The following NKD1 variants were observed in gnomAD, a reference collection of about 807,000 sequenced individuals.
NKD1 encodes the protein NKD inhibitor of Wnt signaling pathway 1.
NKD1 carries 21 observed loss-of-function variants against 56.0 expected under a neutral mutation model. The observed-to-expected ratio is 0.38, with a 90% CI of 0.27 to 0.54. NKD1 has a LOEUF of 0.54. Among genes scored for constraint, NKD1 ranks in the 20% least tolerant of loss-of-function variants. The pLI is 0.82. For missense variants in NKD1, 578 were observed against 642.7 expected, an observed-to-expected ratio of 0.90 and a Z score of 1.09; for synonymous variants, 263 against 265.7, an observed-to-expected ratio of 0.99 and a Z score of 0.10.
intron 3 of NKD1, among the ~76,000 whole-genome samples, chr16:50,590,563 A>G (rs947557260): frequency 1.4e-4 from 22 of 152,226 alleles, no homozygotes; most frequent in African/African-American, 4.8e-4. Context: ...CAAGCGCTTT[A>G]CAAATGTGAG....
intron 4 of NKD1, among the ~76,000 whole-genome samples, chr16:50,620,389 G>A (rs977227656): frequency 1.8e-4 from 27 of 152,270 alleles, no homozygotes; most frequent in East Asian, 9.7e-4. Flanking sequence ...CTGGCCCAGC[G>A]GCCTCATTTC....
intron 3 of NKD1, among the ~76,000 whole-genome samples, chr16:50,550,142 C>T (rs1362294636): frequency 6.6e-6 from 1 of 151,862 alleles, no homozygotes; most frequent in Non-Finnish European, 1.5e-5. Context: ...AGCCCTGAGC[C>T]TTCACCCCGT....
chr16:50,621,581 C>T (rs1962089712), intron 4 of NKD1, 21 bp from the exon 5 acceptor site: 1 of 1,590,556 alleles, frequency 6.3e-7, no homozygotes, highest in Non-Finnish European at 8.6e-7. Flanking sequence ...CCTAATGCTC[C>T]CTCGCCTGCC....
At chr16:50,573,884 T>C in intron 3 of NKD1, 1 of 985,344 alleles carries the variant, frequency 1.0e-6, no homozygotes, top group Non-Finnish European at 1.2e-6. Context: ...GTGAGGGTGC[T>C]GAGCTGGCAC....
At position 50,623,477 on chromosome 16, in the gene NKD1, A is replaced by G. The variant is rs1657378868; in HGVS notation, c.366+1769A>G. Among the ~76,000 whole-genome samples, 1 of 152,018 alleles carries G rather than the reference A, an allele frequency of 6.6e-6. No homozygotes were observed. Among genetic ancestry groups the G allele is most frequent in the African/African-American group, 2.4e-5 (1 of 41,390 alleles). ...GGAGCTTGGCAAAGCCCAGGGCTGA[A>G]CTCAGTGGCAGAAGGAAGACCAGGC... On this transcript the variant is annotated intron_variant, in intron 5 of 9. Coordinates refer to ENST00000268459, the MANE Select transcript of NKD1 (RefSeq NM_033119.5). This position sits in a 1 kb window ranked among gnomAD's most constrained non-coding sequence, Gnocchi z 4.1.
chr16:50,548,613 C>A, intron 1 of NKD1, 35 bp downstream of exon 1: 1 of 1,447,722 alleles, frequency 6.9e-7, no homozygotes, highest in Non-Finnish European at 9.0e-7. Context: ...GCCCCGGGCC[C>A]CGCCGCCGTC....
chr16:50,621,383 C>T (rs539370087), intron 4 of NKD1, among the ~76,000 whole-genome samples: 95 of 152,330 alleles, frequency 6.2e-4, no homozygotes, highest in African/African-American at 1.9e-3. Context: ...GGGCCCCCCA[C>T]GGTGCAAGTG....
chr16:50,608,797 A>G (rs1961777275), intron 4 of NKD1, among the ~76,000 whole-genome samples: 1 of 152,164 alleles, frequency 6.6e-6, no homozygotes, highest in African/African-American at 2.4e-5. Flanking sequence ...GCACACACAC[A>G]CACAGCCAGC....
chr16:50,602,754 G>T (rs1216994486), intron 3 of NKD1, among the ~76,000 whole-genome samples: 4 of 152,218 alleles, frequency 2.6e-5, no homozygotes, highest in Non-Finnish European at 5.9e-5. Flanking sequence ...TCCTGTGAGG[G>T]CTCCTTTGCC....
intron 4 of NKD1, among the ~76,000 whole-genome samples, chr16:50,610,470 A>G (rs1169588860): frequency 6.6e-6 from 1 of 152,212 alleles, no homozygotes; most frequent in African/African-American, 2.4e-5. Flanking sequence ...CCGCGTGGCC[A>G]GGTCTGGTGA....
chr16:50,590,392 G>A (rs1039271165), intron 3 of NKD1, among the ~76,000 whole-genome samples: 23 of 152,326 alleles, frequency 1.5e-4, no homozygotes, highest in African/African-American at 5.3e-4. Context: ...TAAAACCAAC[G>A]AATGCTAAAG....
rs1962585278 is a variant in NKD1, at chr16:50,641,813, T to G, written c.*8032T>G. 6.6e-6 allele frequency: 1 copy of G among 152,384 alleles called. No homozygotes were observed. The highest frequency in any genetic ancestry group is 2.1e-4 in the South Asian group (1 of 4,840). The allele number at this position is 152,384 out of a possible 1,614,324, so 9.4% of individuals were successfully genotyped here. The stretch of plus-strand genomic sequence containing the variant: ...CATGGGGAAGTCTTTGGGGCAGTCC[T>G]GGAGACCCTCACAATGTGGCCCCAC... On this transcript the variant is annotated 3_prime_UTR_variant, in exon 10 of 10. Coordinates refer to ENST00000268459, the MANE Select transcript of NKD1 (RefSeq NM_033119.5).
Position 50,643,329 on chromosome 16 carries a change from A to T in NKD1, c.*9548A>T, listed in dbSNP as rs542445806. On this transcript the variant is annotated 3_prime_UTR_variant, in exon 10 of 10. Coordinates refer to ENST00000268459, the MANE Select transcript of NKD1 (RefSeq NM_033119.5). ...TAACTTGTGGCTAATGCATGGTAGGATTAAACATAAGCCTGACATATGCTA... is the reference window on the plus strand; with the variant it reads ...TAACTTGTGGCTAATGCATGGTAGGTTTAAACATAAGCCTGACATATGCTA... The T allele has an allele frequency of 6.6e-6, 1 of 152,382 alleles. No homozygotes were observed. Among genetic ancestry groups the T allele is most frequent in the South Asian group, 2.1e-4 (1 of 4,830 alleles). 9.4% of individuals were successfully genotyped at this position (152,382 alleles called of 1,614,324 possible). A position where few individuals can be genotyped will look rare whatever the true frequency, so the allele number is the denominator to read the frequency against.
At chr16:50,608,813 A>G (rs1212734182) in intron 4 of NKD1, among the ~76,000 whole-genome samples, 3 of 151,646 alleles carry the variant, frequency 2.0e-5, no homozygotes, top group African/African-American at 4.9e-5. Context: ...CCAGCCTTTC[A>G]CCTCTCTCCT....
At chr16:50,630,401 G>T in intron 7 of NKD1, 68 bp downstream of exon 7, 3 of 1,566,440 alleles carry the variant, frequency 1.9e-6, no homozygotes, top group Non-Finnish European at 2.6e-6. Context: ...GAGCCTTCCT[G>T]GGAGGGCCGG....
intron 3 of NKD1, chr16:50,557,496 A>T (rs1335580453): frequency 6.6e-6 from 1 of 152,184 alleles, no homozygotes; most frequent in African/African-American, 2.4e-5. Context: ...ACCAAGTATG[A>T]TACTTTTTGT....
intron 4 of NKD1, among the ~76,000 whole-genome samples, chr16:50,619,978 G>A (rs1962049888): frequency 6.6e-6 from 1 of 152,220 alleles, no homozygotes; most frequent in Non-Finnish European, 1.5e-5. Flanking sequence ...GGCTACCTGG[G>A]TTCAAATCCC....
intron 8 of NKD1, among the ~76,000 whole-genome samples, chr16:50,631,453 G>A (rs916689924): frequency 3.9e-5 from 6 of 152,170 alleles, no homozygotes; most frequent in African/African-American, 1.4e-4. Context: ...ACAGTAACAC[G>A]GCAGGCATAA....
intron 3 of NKD1, among the ~76,000 whole-genome samples, chr16:50,582,263 G>C (rs973641684): frequency 3.3e-5 from 5 of 152,114 alleles, no homozygotes; most frequent in African/African-American, 7.2e-5. Context: ...AAGGACTCTC[G>C]CAGGGCTGTC....
Sources: gnomAD v4.1 joint callset for allele counts (sites outside exome capture counted in the v4.1 genomes callset) on GRCh38, gnomAD v4.1.1 for gene constraint, Gnocchi (gnomAD v3.1) non-coding constraint, MANE v1.5 for transcripts, NCBI Gene and HGNC (gene_info 2026-07-23, HGNC 2026-07-21) for gene names.